NISCH: variants seen among roughly 807,000 people sequenced by gnomAD.
NISCH encodes nischarin.
A neutral mutation model predicts 138.4 loss-of-function variants in NISCH; 55 were observed. The ratio of observed to expected loss-of-function variants is 0.40; its 90% CI spans 0.32 to 0.50. NISCH has a LOEUF of 0.50. Among genes scored for constraint, NISCH ranks in the 20% least tolerant of loss-of-function variants. The pLI, the probability that NISCH is intolerant of heterozygous loss-of-function variation, is 0.71. For synonymous variants in NISCH, 860 were observed against 861.5 expected (o/e 1.00, Z 0.03); for missense variants, 1,643 against 2,005.5 (o/e 0.82, Z 3.45).
intron 13 of NISCH, chr3:52,484,288 G>T: frequency 1.0e-5 from 5 of 481,848 alleles, no homozygotes; most frequent in Admixed American, 3.4e-5. Context: ...TTCTCAGAAT[G>T]CTTCTCCCTG....
intron 8 of NISCH, 119 bp downstream of exon 8, chr3:52,476,718 A>G: frequency 2.1e-6 from 2 of 959,492 alleles, no homozygotes; most frequent in Non-Finnish European, 3.1e-6. Flanking sequence ...TGCTCTGTGC[A>G]TTGCCTGCCA....
At chr3:52,468,207 C>T (rs1277294944) in intron 3 of NISCH, among the ~76,000 whole-genome samples, 1 of 152,148 alleles carries the variant, frequency 6.6e-6, no homozygotes, top group African/African-American at 2.4e-5. Context: ...TGCAGTGAGC[C>T]AGGATCACGC....
intron 13 of NISCH, 168 bp downstream of exon 13, chr3:52,480,463 G>C: frequency 5.9e-6 from 9 of 1,536,082 alleles, no homozygotes; most frequent in Non-Finnish European, 7.9e-6. Flanking sequence ...ACATGGCAGG[G>C]GTGCCTGGCC....
At chr3:52,475,385 G>T (rs1361120196) in intron 7 of NISCH, among the ~76,000 whole-genome samples, 1 of 152,094 alleles carries the variant, frequency 6.6e-6, no homozygotes, top group Non-Finnish European at 1.5e-5. Context: ...ATGGTCTCTG[G>T]GCTTTGTGCT....
chr3:52,472,434 C>A, intron 6 of NISCH, 36 bp downstream of exon 6: 1 of 1,534,106 alleles, frequency 6.5e-7, no homozygotes, highest in Non-Finnish European at 9.0e-7. Context: ...CTCTCGCTCC[C>A]AACTCAGAGG....
intron 13 of NISCH, among the ~76,000 whole-genome samples, chr3:52,482,215 G>A (rs571886647): frequency 2.4e-4 from 36 of 152,296 alleles, no homozygotes; most frequent in Non-Finnish European, 4.1e-4. Context: ...GTTTTTTAGC[G>A]CGTGGGAGCA....
chr3:52,476,302 G>A, intron 7 of NISCH, 145 bp from the exon 8 acceptor site: 1 of 821,736 alleles, frequency 1.2e-6, no homozygotes. Flanking sequence ...TAAAGACATA[G>A]GAACCAAAGG....
At chr3:52,477,792 T>C (rs1707147196) in intron 9 of NISCH, 150 bp downstream of exon 9, 1 of 680,448 alleles carries the variant, frequency 1.5e-6, no homozygotes, top group African/African-American at 1.8e-5. Flanking sequence ...ATGCACTGAG[T>C]GATTGTTGCT....
At chr3:52,482,300 C>T (rs994009809) in intron 13 of NISCH, among the ~76,000 whole-genome samples, 2 of 152,296 alleles carry the variant, frequency 1.3e-5, no homozygotes, top group Middle Eastern at 3.4e-3. Flanking sequence ...AACTGGCACT[C>T]GGGCCTGCCT....
intron 13 of NISCH, chr3:52,481,115 C>A: frequency 7.8e-7 from 1 of 1,287,772 alleles, no homozygotes; most frequent in South Asian, 2.7e-5. Context: ...ACCTGGTAAC[C>A]CCACTGGTGG....
Position 52,458,838 on chromosome 3 carries a change from C to T in NISCH, c.354C>T (p.His118=), listed in dbSNP as rs779070966. The change falls in exon 3 of 21, where the codon CAC becomes CAT. Residue 118 remains histidine (H), a synonymous_variant. Coordinates refer to ENST00000345716, the MANE Select transcript of NISCH (RefSeq NM_007184.4). ...PRVLAHFLHF[H]FYEINGITAA... is the part of the protein sequence containing the mutation. ...TACTGGCCCACTTCTTGCATTTTCACTTCTATGTAAGTTCCTCATCGGGTT... is the reference window on the plus strand; with the variant it reads ...TACTGGCCCACTTCTTGCATTTTCATTTCTATGTAAGTTCCTCATCGGGTT... 2.5e-6 allele frequency: 4 copies of T among 1,587,376 alleles called. No individual in the cohort carries two copies. Among genetic ancestry groups the T allele is most frequent in the Non-Finnish European group, 2.6e-6 (3 of 1,170,450 alleles).
chr3:52,477,675 A>G (rs757637045), intron 9 of NISCH, 33 bp downstream of exon 9: 1 of 1,570,240 alleles, frequency 6.4e-7, no homozygotes, highest in Non-Finnish European at 8.8e-7. Context: ...CTGCCCGCAC[A>G]CACTCCCAAG....
chr3:52,481,713 C>G (rs1707279969), intron 13 of NISCH: 1 of 985,396 alleles, frequency 1.0e-6, no homozygotes. Context: ...GGGGATGCAC[C>G]ATGTCCCCAG....
Position 52,483,252 on chromosome 3 carries a change from T to C in NISCH, c.1529-1261T>C, listed in dbSNP as rs143024250. ...GCTTGTGGGCAGAGGACCCAGGCTGTGTGAGTTGTCCTGTCCCGGGGAGCA... is the reference window on the plus strand; with the variant it reads ...GCTTGTGGGCAGAGGACCCAGGCTGCGTGAGTTGTCCTGTCCCGGGGAGCA... On this transcript the variant is annotated intron_variant, in intron 13 of 20. Transcript: ENST00000345716. Among the ~76,000 whole-genome samples, 53 of 152,290 alleles carry C rather than the reference T, an allele frequency of 3.5e-4. 1 individual carries two copies. The East Asian group carries it at 9.5e-3, about 27-fold the overall frequency.
chr3:52,480,597 T>A, intron 13 of NISCH: 1 of 1,431,424 alleles, frequency 7.0e-7, no homozygotes, highest in Non-Finnish European at 9.1e-7. Context: ...GGCTCGGGGC[T>A]GTTGGCTCAT....
intron 2 of NISCH, 90 bp downstream of exon 2, chr3:52,458,016 A>C (rs1369385816): frequency 6.5e-6 from 6 of 926,138 alleles, no homozygotes; most frequent in Non-Finnish European, 1.1e-5. Flanking sequence ...TTTAGGGCAA[A>C]ACAGGTTCCA....
chr3:52,481,675 G>A lies in NISCH; in HGVS notation c.1528+1380G>A, dbSNP rs1034325827. The A allele has an allele frequency of 3.1e-5, 31 of 985,430 alleles. No homozygotes were observed. The African/African-American group carries it at 5.1e-4, about 16-fold the overall frequency. 61.0% of individuals were successfully genotyped at this position (985,430 alleles called of 1,614,324 possible). A position where few individuals can be genotyped will look rare whatever the true frequency, so the allele number is the denominator to read the frequency against. ...GAGTGAGTGGGCAGGTAGAGCAGGA[G>A]CCAGTGAAGAGCAGGCCCTGGATGG... On this transcript the variant is annotated intron_variant, in intron 13 of 20. Coordinates refer to ENST00000345716, the MANE Select transcript of NISCH (RefSeq NM_007184.4).
rs1706831267 is a variant in NISCH, at chr3:52,467,825, G to C, written c.361-3034G>C. ...TCTTTTAGAGAGACAGGGTCTTGCT[G>C]TGTTGCCCAGGCTCGACTCTGAACT... On this transcript the variant is annotated intron_variant, in intron 3 of 20. Coordinates refer to ENST00000345716, the MANE Select transcript of NISCH (RefSeq NM_007184.4). Among the ~76,000 whole-genome samples, 3 of 152,266 alleles carry C rather than the reference G, an allele frequency of 2.0e-5. No homozygotes were observed. In the South Asian group the frequency reaches 6.2e-4, roughly 32 times the overall value.
At chr3:52,480,337 C>G (rs755197528) in intron 13 of NISCH, 42 bp downstream of exon 13, 1 of 1,610,666 alleles carries the variant, frequency 6.2e-7, no homozygotes. Context: ...GCCACACAGC[C>G]CTGCCTGGGC....
Sources: gnomAD v4.1 joint callset for allele counts (sites outside exome capture counted in the v4.1 genomes callset) on GRCh38, gnomAD v4.1.1 for gene constraint, MANE v1.5 for transcripts, NCBI Gene and HGNC (gene_info 2026-07-23, HGNC 2026-07-21) for gene names.